ASCC3: variants seen among roughly 807,000 people sequenced by gnomAD.
ASCC3 encodes the protein ASC-1 complex subunit P200.
Under a neutral mutation model 256.3 loss-of-function variants are expected in ASCC3, and 158 were observed. That is an observed-to-expected ratio of 0.62 (90% CI 0.54 to 0.70). The LOEUF (loss-of-function observed/expected upper bound fraction) is 0.70, where lower values mean the gene tolerates loss of function less well. Among genes scored for constraint, ASCC3 ranks in the 30% least tolerant of loss-of-function variants. The pLI is 0.00. For synonymous variants in ASCC3, 948 were observed against 883.4 expected, an observed-to-expected ratio of 1.07 and a Z score of -1.30; for missense variants, 2,259 against 2,626.0, an observed-to-expected ratio of 0.86 and a Z score of 3.05.
At chr6:100,785,628 C>T (rs1462238934) in intron 8 of ASCC3, among the ~76,000 whole-genome samples, 6 of 151,976 alleles carry the variant, frequency 3.9e-5, no homozygotes. Flanking sequence ...CCCAGGCTGG[C>T]CTTGAACTCC....
intron 1 of ASCC3, among the ~76,000 whole-genome samples, chr6:100,878,287 T>C (rs1769088892): frequency 6.6e-6 from 1 of 152,216 alleles, no homozygotes; most frequent in African/African-American, 2.4e-5. Context: ...TATGGGGCTC[T>C]TATTCTCTAA....
Position 100,598,204 on chromosome 6 carries a change from C to T in ASCC3, c.5303+3606G>A, listed in dbSNP as rs188144489. On this transcript the variant is annotated intron_variant, in intron 34 of 41. Transcript: ENST00000369162. ...CTACACTAGCCCCTTTGGTGGTAGG[C>T]GGGAGATACTCAACCCTCTTTTTGG... Among the ~76,000 whole-genome samples the T allele has an allele frequency of 5.3e-5, 8 of 152,012 alleles. No individual in the cohort carries two copies. In the East Asian group the frequency reaches 5.8e-4, roughly 11 times the overall value.
chr6:100,784,173 T>C (rs1782584171), intron 8 of ASCC3, among the ~76,000 whole-genome samples: 1 of 152,114 alleles, frequency 6.6e-6, no homozygotes, highest in Non-Finnish European at 1.5e-5. Context: ...GTAACATAAT[T>C]TATAAAACTA....
At chr6:100,644,956 T>C (rs1775308698) in intron 22 of ASCC3, among the ~76,000 whole-genome samples, 1 of 152,224 alleles carries the variant, frequency 6.6e-6, no homozygotes, top group Admixed American at 6.5e-5. Context: ...GAATGACATC[T>C]TTAAACAGAA....
intron 5 of ASCC3, among the ~76,000 whole-genome samples, chr6:100,801,841 C>T: frequency 6.6e-6 from 1 of 151,028 alleles, no homozygotes; most frequent in East Asian, 1.9e-4. Context: ...TAAAAGTTAA[C>T]TTGTCTGCAA....
chr6:100,705,297 C>T (rs1340508730), intron 13 of ASCC3, among the ~76,000 whole-genome samples: 3 of 152,032 alleles, frequency 2.0e-5, no homozygotes, highest in African/African-American at 7.2e-5. Flanking sequence ...AGTACACGAG[C>T]ACGCAAGTTT....
intron 25 of ASCC3, among the ~76,000 whole-genome samples, chr6:100,632,121 C>G (rs891865902): frequency 1.4e-5 from 2 of 147,454 alleles, no homozygotes; most frequent in African/African-American, 5.0e-5. Flanking sequence ...ATTCAATACG[C>G]TTGAAGGACA....
At position 100,646,726 on chromosome 6, in the gene ASCC3, T is replaced by C. The variant is rs751490968; in HGVS notation, c.3522A>G (p.Gln1174=). The change falls in exon 22 of 42, where the codon CAA becomes CAG. Residue 1174 remains glutamine (Q), a synonymous_variant. Transcript: ENST00000369162. The part of the protein sequence containing the change: ...HHVNIGLKVK[Q]CVHQIPSVMM... ...TAACAGAAGGAATCTGATGAACACA[T>C]TGTTTGACCTTCAGTCCAATATTCA... 2 of 1,613,776 alleles carry C rather than the reference T, an allele frequency of 1.2e-6. No homozygotes were observed. Among genetic ancestry groups the C allele is most frequent in the Non-Finnish European group, 1.7e-6 (2 of 1,179,856 alleles).
chr6:100,525,148 C>T (rs1164569024), intron 37 of ASCC3, among the ~76,000 whole-genome samples: 1 of 90,956 alleles, frequency 1.1e-5, no homozygotes, highest in Non-Finnish European at 1.9e-5. Context: ...CAGAGTGAGA[C>T]CCTGTCTCAA....
intron 37 of ASCC3, chr6:100,530,375 T>C (rs185981947): frequency 1.6e-6 from 2 of 1,237,988 alleles, no homozygotes. Context: ...TATCTCAAAA[T>C]GACTGGAAGT....
chr6:100,609,358 C>T (rs1773273861), intron 30 of ASCC3, among the ~76,000 whole-genome samples: 1 of 151,894 alleles, frequency 6.6e-6, no homozygotes, highest in Non-Finnish European at 1.5e-5. Context: ...ACTTCCTTAT[C>T]TTACTTTAAA....
At chr6:100,803,650 C>A (rs1169008907) in intron 5 of ASCC3, among the ~76,000 whole-genome samples, 2 of 152,070 alleles carry the variant, frequency 1.3e-5, no homozygotes, top group East Asian at 3.8e-4. Context: ...AACAGACCTG[C>A]AGACAAAATT....
At chr6:100,530,475 C>A in intron 37 of ASCC3, 1 of 797,198 alleles carries the variant, frequency 1.3e-6, no homozygotes, top group Non-Finnish European at 2.3e-6. Context: ...GAAGTTAGAA[C>A]AACTGTACAA....
intron 30 of ASCC3, among the ~76,000 whole-genome samples, chr6:100,610,737 T>C (rs1773351059): frequency 6.6e-6 from 1 of 152,166 alleles, no homozygotes; most frequent in African/African-American, 2.4e-5. Context: ...GAATCCACTT[T>C]ACCTTAAAAT....
At chr6:100,574,462 G>A (rs1770757583) in intron 36 of ASCC3, among the ~76,000 whole-genome samples, 1 of 151,944 alleles carries the variant, frequency 6.6e-6, no homozygotes, top group Non-Finnish European at 1.5e-5. Context: ...TTTTTCCATA[G>A]TAGTTGTGTC....
intron 36 of ASCC3, among the ~76,000 whole-genome samples, chr6:100,581,905 G>C (rs1305104970): frequency 3.3e-5 from 5 of 151,548 alleles, no homozygotes; most frequent in Non-Finnish European, 7.4e-5. Context: ...GATATGCGGT[G>C]TTATTTCTGA....
At chr6:100,552,322 A>G (rs1050134410) in intron 36 of ASCC3, among the ~76,000 whole-genome samples, 7 of 152,106 alleles carry the variant, frequency 4.6e-5, no homozygotes, top group South Asian at 4.1e-4. Flanking sequence ...TACTTTAAAA[A>G]ATATGATTCT....
chr6:100,778,732 T>C (rs1047109447), intron 8 of ASCC3, among the ~76,000 whole-genome samples: 1 of 152,166 alleles, frequency 6.6e-6, no homozygotes, highest in Non-Finnish European at 1.5e-5. Context: ...GATTTTTTAA[T>C]ATTTAAAATC....
intron 36 of ASCC3, among the ~76,000 whole-genome samples, chr6:100,569,461 C>A (rs974895703): frequency 1.1e-4 from 16 of 152,004 alleles, no homozygotes; most frequent in Admixed American, 1.0e-3. Flanking sequence ...GGCTCCACTG[C>A]AAGCTCTGCC....
Sources: gnomAD v4.1 joint callset for allele counts (sites outside exome capture counted in the v4.1 genomes callset) on GRCh38, gnomAD v4.1.1 for gene constraint, MANE v1.5 for transcripts, NCBI Gene and HGNC (gene_info 2026-07-23, HGNC 2026-07-21) for gene names.